The following FOXP2 variants were observed in gnomAD, a reference collection of about 807,000 sequenced individuals.
FOXP2 encodes the protein forkhead box protein P2.
A neutral mutation model predicts 115.8 loss-of-function variants in FOXP2; 12 were observed. The observed-to-expected ratio is 0.10, with a 90% CI of 0.07 to 0.17. The LOEUF is 0.17. Among genes scored for constraint, FOXP2 ranks in the 10% least tolerant of loss-of-function variants. The pLI is 1.00. For missense variants in FOXP2, 629 were observed against 843.5 expected (o/e 0.75, Z 3.15); for synonymous variants, 328 against 297.7 (o/e 1.10, Z -1.05).
At chr7:114,110,457 G>GA (rs1235144761) in intron 1 of FOXP2, among the ~76,000 whole-genome samples, 1 of 151,972 alleles carries the variant, frequency 6.6e-6, no homozygotes, top group Non-Finnish European at 1.5e-5. Context: ...CTTGTAACAT[G>GA]AAAAAAGGTT....
At chr7:114,451,878 T>G (rs1170743623) in intron 2 of FOXP2, among the ~76,000 whole-genome samples, 1 of 152,036 alleles carries the variant, frequency 6.6e-6, no homozygotes, top group Admixed American at 6.6e-5. Flanking sequence ...GTAGAAGGGT[T>G]GTATTTGAGT....
chr7:114,584,855 C>T (rs1211753861), intron 3 of FOXP2, among the ~76,000 whole-genome samples: 2 of 152,146 alleles, frequency 1.3e-5, no homozygotes, highest in South Asian at 2.1e-4. Flanking sequence ...TAGATTATTA[C>T]ATTGGGGGCA....
intron 2 of FOXP2, among the ~76,000 whole-genome samples, chr7:114,340,813 T>C (rs970623353): frequency 6.6e-6 from 1 of 151,182 alleles, no homozygotes; most frequent in African/African-American, 2.4e-5. Flanking sequence ...GTTAACTTAT[T>C]CTTGTAAAAA....
In FOXP2 at chr7:114,693,434, A is replaced by G. The variant is rs1313843975; in HGVS notation, c.*3508A>G. ...ATTTTGTAAAGTTTTCAAGTTGGAC[A>G]TTTACATTTTTGAGAATTTTGAGAC... On this transcript the variant is annotated 3_prime_UTR_variant, in exon 17 of 17. Coordinates refer to ENST00000350908, the MANE Select transcript of FOXP2 (RefSeq NM_014491.4). 1 of 453,506 alleles carries G rather than the reference A, an allele frequency of 2.2e-6. No homozygotes were observed. Among genetic ancestry groups the G allele is most frequent in the South Asian group, 1.6e-5 (1 of 64,374 alleles). The allele number at this position is 453,506 out of a possible 1,614,324, so 28.1% of individuals were successfully genotyped here. A position where few individuals can be genotyped will look rare whatever the true frequency, so the allele number is the denominator to read the frequency against.
At position 114,221,905 on chromosome 7, in the gene FOXP2, A is replaced by T. The variant is rs1477591171; in HGVS notation, c.-102+58817A>T. ...GTTCATTCTTCATGCTCTTCTCCTA[A>T]GCCCTCCCCCAATTCTATTCCATCA... On this transcript the variant is annotated intron_variant, in intron 1 of 17. Transcript: ENST00000634411. 2.0e-5 allele frequency among the ~76,000 whole-genome samples: 3 copies of T among 151,702 alleles called. No individual in the cohort carries two copies. In the East Asian group the frequency reaches 5.9e-4, roughly 30 times the overall value.
At chr7:114,403,021 G>T (rs1792926338) in intron 2 of FOXP2, among the ~76,000 whole-genome samples, 1 of 152,054 alleles carries the variant, frequency 6.6e-6, no homozygotes, top group African/African-American at 2.4e-5. Flanking sequence ...AGACTGTCTA[G>T]ATTCCACAAT....
chr7:114,397,984 T>G (rs1792784995), intron 2 of FOXP2, among the ~76,000 whole-genome samples: 1 of 150,302 alleles, frequency 6.7e-6, no homozygotes, highest in African/African-American at 2.5e-5. Flanking sequence ...AAGATTAAGT[T>G]TTTTTTTTCT....
At chr7:114,268,104 G>A (rs1036264679) in intron 1 of FOXP2, among the ~76,000 whole-genome samples, 2 of 152,062 alleles carry the variant, frequency 1.3e-5, no homozygotes, top group African/African-American at 4.8e-5. Context: ...ATGTCTTCAA[G>A]GTTCATCCAT....
intron 2 of FOXP2, among the ~76,000 whole-genome samples, chr7:114,390,686 C>G (rs905046449): frequency 1.3e-5 from 2 of 152,034 alleles, no homozygotes; most frequent in Non-Finnish European, 2.9e-5. Context: ...TCCTGAGTAG[C>G]TGGGACTACA....
chr7:114,239,667 A>C (rs1795102309), intron 1 of FOXP2, among the ~76,000 whole-genome samples: 3 of 152,306 alleles, frequency 2.0e-5, no homozygotes, highest in Non-Finnish European at 4.4e-5. Flanking sequence ...AGACAAAAAA[A>C]GGCATAAACA....
intron 1 of FOXP2, among the ~76,000 whole-genome samples, chr7:114,418,750 A>G (rs952492597): frequency 6.6e-6 from 1 of 151,764 alleles, no homozygotes; most frequent in African/African-American, 2.4e-5. Flanking sequence ...ATTCAGGCGT[A>G]TATCTTTCAT....
At position 114,426,656 on chromosome 7, in the gene FOXP2, C is replaced by G; in HGVS notation, c.145C>G (p.Leu49Val). The G allele has an allele frequency of 1.2e-6, 2 of 1,611,170 alleles. No individual in the cohort carries two copies. The highest frequency in any genetic ancestry group is 1.7e-6 in the Non-Finnish European group (2 of 1,178,084). ...CAGCTCTGAAGTAAGCACAGTAGAA[C>G]TGCTGCATCTGCAACAACAGCAGGT... is the stretch of plus-strand genomic sequence containing the variant. ...DTSSEVSTVE[L>V]LHLQQQQALQ... is the part of the protein sequence containing the mutation. Residue 49 changes from leucine (L) to valine (V), a missense_variant, in exon 2 of 17, where the codon CTG becomes GTG. By Grantham distance (32) the Leu-to-Val change is conservative (BLOSUM62 1). This residue lies in a region of FOXP2 where 91 missense variants were observed against 98.3 expected (regional missense o/e 0.93). Coordinates refer to ENST00000350908, the MANE Select transcript of FOXP2 (RefSeq NM_014491.4).
intron 1 of FOXP2, among the ~76,000 whole-genome samples, chr7:114,424,519 A>G (rs527336048): frequency 1.3e-5 from 2 of 151,546 alleles, no homozygotes; most frequent in East Asian, 1.9e-4. Flanking sequence ...TATAATTTTC[A>G]TATAACTAGT....
At chr7:114,289,066 G>T (rs78285815) in intron 2 of FOXP2, among the ~76,000 whole-genome samples, 2,955 of 151,862 alleles carry the variant, frequency 0.019, 87 homozygotes, top group African/African-American at 0.059. Context: ...TTCTCTGAGA[G>T]ATTTTTGTCA....
chr7:114,268,734 G>A (rs532155458), intron 1 of FOXP2, among the ~76,000 whole-genome samples: 7 of 147,388 alleles, frequency 4.7e-5, no homozygotes, highest in Non-Finnish European at 9.0e-5. Context: ...GTGTGTGTAT[G>A]TGTGTATTTT....
intron 2 of FOXP2, among the ~76,000 whole-genome samples, chr7:114,512,447 G>T (rs1424040523): frequency 1.3e-5 from 2 of 152,118 alleles, no homozygotes; most frequent in African/African-American, 4.8e-5. Flanking sequence ...TGGATCCTTT[G>T]TGTCTGAGTC....
chr7:114,377,931 T>G (rs991070382), intron 2 of FOXP2, among the ~76,000 whole-genome samples: 3 of 152,190 alleles, frequency 2.0e-5, no homozygotes, highest in Non-Finnish European at 4.4e-5. Flanking sequence ...ATGCTCCTTT[T>G]GTCCAAGTTC....
At position 114,691,733 on chromosome 7, in the gene FOXP2, G is replaced by A. The variant is rs755811245; in HGVS notation, c.*1807G>A. On this transcript the variant is annotated 3_prime_UTR_variant, in exon 17 of 17. Coordinates refer to ENST00000350908, the MANE Select transcript of FOXP2 (RefSeq NM_014491.4). ...CAGTTTTGACAGAAGGTGGCTGCTA[G>A]AGCTTAACATACGTTCCCGTTCCAT... 1 of 454,174 alleles carries A rather than the reference G, an allele frequency of 2.2e-6. No individual in the cohort carries two copies. The allele number at this position is 454,174 out of a possible 1,614,324, so 28.1% of individuals were successfully genotyped here. A position where few individuals can be genotyped will look rare whatever the true frequency, so the allele number is the denominator to read the frequency against.
At chr7:114,210,462 T>C (rs1032123341) in intron 1 of FOXP2, among the ~76,000 whole-genome samples, 1 of 152,134 alleles carries the variant, frequency 6.6e-6, no homozygotes, top group Non-Finnish European at 1.5e-5. Context: ...TTCCTTTACC[T>C]GGAGGTATTA....
Sources: gnomAD v4.1 joint callset for allele counts (sites outside exome capture counted in the v4.1 genomes callset) on GRCh38, gnomAD v4.1.1 for gene constraint, gnomAD v4.1.1 regional missense constraint, MANE v1.5 for transcripts, NCBI Gene and HGNC (gene_info 2026-07-23, HGNC 2026-07-21) for gene names.